Variants in NIPBL observed in about 807,000 individuals in gnomAD.
NIPBL encodes the protein nipped-B-like protein.
Under a neutral mutation model 321.8 loss-of-function variants are expected in NIPBL, and 19 were observed. The ratio of observed to expected loss-of-function variants is 0.06; its 90% CI spans 0.04 to 0.09. NIPBL has a LOEUF of 0.09. NIPBL is among the 10% of genes least tolerant of loss of function. The probability of loss-of-function intolerance (pLI) is 1.00; values close to 1 mark genes in which losing one functional copy is unlikely to be tolerated. For synonymous variants in NIPBL, 1,106 were observed against 1,114.1 expected (o/e 0.99, Z 0.14); for missense variants, 2,210 against 3,327.0 (o/e 0.66, Z 8.26).
At chr5:37,008,799 TTCTG>T (rs1457750554) in intron 20 of NIPBL, 76 bp downstream of exon 20, 4 of 811,486 alleles carry the variant, frequency 4.9e-6, no homozygotes, top group Non-Finnish European at 8.7e-6. Flanking sequence ...TATTCTTCAT[TTCTG>T]TCTGATTTAT....
At chr5:36,968,118 A>C (rs1178446996) in intron 6 of NIPBL, among the ~76,000 whole-genome samples, 7 of 150,928 alleles carry the variant, frequency 4.6e-5, no homozygotes, top group East Asian at 1.9e-4. Flanking sequence ...AAAACAAAAA[A>C]CAAAAAACGA....
chr5:36,957,691 A>G (rs1394161423), intron 3 of NIPBL, among the ~76,000 whole-genome samples: 2 of 152,154 alleles, frequency 1.3e-5, no homozygotes, highest in African/African-American at 4.8e-5. Flanking sequence ...TTGAAAATTC[A>G]TAACTGTTGG....
In NIPBL at chr5:37,007,197, G is replaced by T. The variant is rs1050424731; in HGVS notation, c.4088-126G>T. The T allele has an allele frequency of 3.2e-5, 24 of 742,060 alleles. No individual in the cohort carries two copies. In the African/African-American group the frequency reaches 4.1e-4, roughly 13 times the overall value. 46.0% of individuals were successfully genotyped at this position (742,060 alleles called of 1,614,324 possible). A position where few individuals can be genotyped will look rare whatever the true frequency, so the allele number is the denominator to read the frequency against. On this transcript the variant is annotated intron_variant, in intron 17 of 46. Transcript: ENST00000282516. ...AATTTTCTATTTTAATAAATAAAAAGCTTTATCTTCCAGGTTCTGTAGCTA... is the reference window on the plus strand; with the variant it reads ...AATTTTCTATTTTAATAAATAAAAATCTTTATCTTCCAGGTTCTGTAGCTA...
At chr5:36,881,229 T>G (rs1745478486) in intron 1 of NIPBL, among the ~76,000 whole-genome samples, 1 of 151,984 alleles carries the variant, frequency 6.6e-6, no homozygotes, top group Admixed American at 6.6e-5. Context: ...GTATTTTATG[T>G]GCTTAGAATA....
At chr5:36,896,477 TA>T (rs1318575328) in intron 1 of NIPBL, among the ~76,000 whole-genome samples, 1 of 152,224 alleles carries the variant, frequency 6.6e-6, no homozygotes, top group Non-Finnish European at 1.5e-5. Flanking sequence ...GCAATTTTGA[TA>T]GGGGTCGTAT....
At chr5:36,945,014 C>T (rs990611748) in intron 1 of NIPBL, among the ~76,000 whole-genome samples, 1 of 152,062 alleles carries the variant, frequency 6.6e-6, no homozygotes, top group African/African-American at 2.4e-5. Flanking sequence ...AGTCTTTTAA[C>T]AGTTTCAACC....
intron 1 of NIPBL, among the ~76,000 whole-genome samples, chr5:36,891,514 G>C (rs964780008): frequency 6.6e-6 from 1 of 152,110 alleles, no homozygotes; most frequent in African/African-American, 2.4e-5. Flanking sequence ...TTTGAAGGCT[G>C]TTAGTCATAC....
At chr5:36,910,300 A>C (rs1404879912) in intron 1 of NIPBL, among the ~76,000 whole-genome samples, 2 of 152,140 alleles carry the variant, frequency 1.3e-5, no homozygotes, top group Non-Finnish European at 2.9e-5. Context: ...CTTCCTTTAG[A>C]CTGCACAGTT....
At chr5:37,027,469 TTGG>T (rs1561180415) in intron 32 of NIPBL, 57 bp downstream of exon 32, 5 of 1,347,162 alleles carry the variant, frequency 3.7e-6, no homozygotes, top group Admixed American at 1.7e-5. Context: ...TTTTTTGTTG[TTGG>T]TGTTTTTTTT....
At chr5:36,941,456 A>C (rs292195) in intron 1 of NIPBL, among the ~76,000 whole-genome samples, 85,142 of 150,590 alleles carry the variant, frequency 0.57, 26,118 homozygotes, top group African/African-American at 0.82. Context: ...ATCACATGTT[A>C]TGGACAAGGG....
At chr5:37,016,228 T>C in intron 23 of NIPBL, 58 bp downstream of exon 23, 1 of 1,519,900 alleles carries the variant, frequency 6.6e-7, no homozygotes, top group Non-Finnish European at 9.1e-7. Flanking sequence ...AATGAGGATG[T>C]ACTCTGATTC....
At chr5:36,888,356 A>T (rs936096784) in intron 1 of NIPBL, among the ~76,000 whole-genome samples, 12 of 152,046 alleles carry the variant, frequency 7.9e-5, no homozygotes, top group African/African-American at 2.7e-4. Context: ...TCATTTTTTA[A>T]CTCATTTTTT....
intron 20 of NIPBL, among the ~76,000 whole-genome samples, chr5:37,009,836 A>T (rs1747898102): frequency 6.6e-6 from 1 of 152,230 alleles, no homozygotes; most frequent in South Asian, 2.1e-4. Context: ...TCTGCAATGT[A>T]TGTAAAGCAT....
chr5:36,889,092 T>C (rs547208585), intron 1 of NIPBL, among the ~76,000 whole-genome samples: 7 of 152,146 alleles, frequency 4.6e-5, no homozygotes, highest in Non-Finnish European at 1.0e-4. Flanking sequence ...ATATTTTCAG[T>C]TTGGGGACAT....
chr5:36,895,607 C>G (rs964478748), intron 1 of NIPBL, among the ~76,000 whole-genome samples: 1 of 152,176 alleles, frequency 6.6e-6, no homozygotes, highest in Admixed American at 6.5e-5. Context: ...ACTGTCTTTA[C>G]ATCCTCACCA....
intron 1 of NIPBL, chr5:36,885,209 A>C (rs546970627): frequency 6.7e-5 from 36 of 533,986 alleles, no homozygotes; most frequent in Non-Finnish European, 1.1e-4. Context: ...GGACAGCATG[A>C]GCTTCACCAC....
intron 1 of NIPBL, among the ~76,000 whole-genome samples, chr5:36,907,310 T>A (rs1034901206): frequency 2.0e-5 from 3 of 152,186 alleles, no homozygotes; most frequent in African/African-American, 7.2e-5. Flanking sequence ...TAAGATATTT[T>A]GTTAGGTGAG....
At chr5:36,963,540 A>C (rs1741861773) in intron 6 of NIPBL, among the ~76,000 whole-genome samples, 1 of 151,956 alleles carries the variant, frequency 6.6e-6, no homozygotes, top group Non-Finnish European at 1.5e-5. Flanking sequence ...GGTGGTATGC[A>C]CTTGTAATCC....
intron 32 of NIPBL, among the ~76,000 whole-genome samples, chr5:37,033,081 G>A (rs1174524592): frequency 6.6e-6 from 1 of 152,076 alleles, no homozygotes; most frequent in East Asian, 1.9e-4. Context: ...GAGTGGGCAA[G>A]AAAAACTTTT....
Sources: gnomAD v4.1 joint callset for allele counts (sites outside exome capture counted in the v4.1 genomes callset) on GRCh38, gnomAD v4.1.1 for gene constraint, MANE v1.5 for transcripts, NCBI Gene and HGNC (gene_info 2026-07-23, HGNC 2026-07-21) for gene names.